Variants in ODF1 observed in about 807,000 individuals in gnomAD.
ODF1 encodes the protein outer dense fiber protein 1.
ODF1 carries 10 observed loss-of-function variants against 24.0 expected under a neutral mutation model. The observed-to-expected ratio is 0.42, with a 90% CI of 0.26 to 0.71. The LOEUF (loss-of-function observed/expected upper bound fraction) is 0.71. ODF1 is among the 30% of genes least tolerant of loss of function. The pLI is 0.28. For synonymous variants in ODF1, 118 were observed against 121.3 expected, an observed-to-expected ratio of 0.97 and a Z score of 0.18; for missense variants, 282 against 307.9, an observed-to-expected ratio of 0.92 and a Z score of 0.63.
At position 102,551,781 on chromosome 8, in the gene ODF1, G is replaced by A; in HGVS notation, c.54G>A (p.Val18=). ...GTGTCAGAAGGGACATAAAGAAGGT[G>A]GACAGAGAACTAAGGCAACTGAGAT... ...LDSVRRDIKK[V]DRELRQLRCI... is the part of the protein sequence containing the mutation. The change falls in exon 1 of 2, where the codon GTG becomes GTA. Residue 18 remains valine, a synonymous_variant. Transcript: ENST00000285402. The A allele has an allele frequency of 6.2e-7, 1 of 1,613,744 alleles. No homozygotes were observed. The highest frequency in any genetic ancestry group is 8.5e-7 in the Non-Finnish European group (1 of 1,179,752).
intron 1 of ODF1, among the ~76,000 whole-genome samples, chr8:102,558,957 T>C (rs141904867): frequency 6.6e-6 from 1 of 151,280 alleles, no homozygotes; most frequent in East Asian, 1.9e-4. Flanking sequence ...ACAAAAGTGA[T>C]ATAGTGATAA....
At chr8:102,559,773 G>A (rs1826155452) in intron 1 of ODF1, among the ~76,000 whole-genome samples, 1 of 151,528 alleles carries the variant, frequency 6.6e-6, no homozygotes, top group African/African-American at 2.4e-5. Flanking sequence ...GTTTGATTGA[G>A]CTTTCAGGCT....
chr8:102,555,039 G>T (rs2436898), intron 1 of ODF1, among the ~76,000 whole-genome samples: 78,257 of 151,832 alleles, frequency 0.52, 20,857 homozygotes, highest in Middle Eastern at 0.66. Flanking sequence ...CACCATGTTG[G>T]CAGTGTCTTC....
intron 1 of ODF1, among the ~76,000 whole-genome samples, chr8:102,556,205 G>A (rs539273554): frequency 6.6e-6 from 1 of 152,296 alleles, no homozygotes; most frequent in African/African-American, 2.4e-5. Context: ...TTGATCACTA[G>A]GTGGTGGCAG....
intron 1 of ODF1, among the ~76,000 whole-genome samples, chr8:102,553,005 T>A (rs544457007): frequency 2.4e-5 from 2 of 83,642 alleles, no homozygotes; most frequent in Admixed American, 1.3e-4. Context: ...GATAGATAGA[T>A]AGATAGATAG....
At position 102,554,046 on chromosome 8, in the gene ODF1, T is replaced by C. The variant is rs528196788; in HGVS notation, c.320+1999T>C. On this transcript the variant is annotated intron_variant, in intron 1 of 1. Coordinates refer to ENST00000285402, the MANE Select transcript of ODF1 (RefSeq NM_024410.4). Reference sequence around the variant, plus strand: ...CACCTTGTGAAATTTCTATGCTCTATTTCTGACAACTTGACATTTCACTCT... The same window carrying C: ...CACCTTGTGAAATTTCTATGCTCTACTTCTGACAACTTGACATTTCACTCT... Among the ~76,000 whole-genome samples, 165 of 152,324 alleles carry C rather than the reference T, an allele frequency of 1.1e-3. 1 individual carries two copies. The highest frequency in any genetic ancestry group is 4.8e-3 in the South Asian group (23 of 4,820).
At chr8:102,554,018 C>T (rs1319233038) in intron 1 of ODF1, among the ~76,000 whole-genome samples, 1 of 102,298 alleles carries the variant, frequency 9.8e-6, no homozygotes, top group African/African-American at 4.1e-5. Context: ...TTCCAATTCA[C>T]ACCACCTTGT....
chr8:102,559,149 C>T (rs977440356), intron 1 of ODF1, among the ~76,000 whole-genome samples: 1 of 151,242 alleles, frequency 6.6e-6, no homozygotes, highest in African/African-American at 2.5e-5. Flanking sequence ...CACAACAACC[C>T]TATGATGTAG....
chr8:102,558,806 C>T (rs1826144513), intron 1 of ODF1, among the ~76,000 whole-genome samples: 1 of 148,200 alleles, frequency 6.7e-6, no homozygotes, highest in Non-Finnish European at 1.5e-5. Flanking sequence ...AGTCAAACAC[C>T]AAAATGCTAA....
In ODF1 at chr8:102,552,000, G is replaced by A; in HGVS notation, c.273G>A (p.Glu91=). ...YCLRPSLRSL[E]RKAIRAIEDE... is the part of the protein sequence containing the mutation. ...TGCGACCATCTCTCAGAAGTTTGGA[G>A]AGGAAAGCCATCAGAGCCATAGAAG... Residue 91 remains glutamate, a synonymous_variant, in exon 1 of 2, where the codon GAG becomes GAA. Coordinates refer to ENST00000285402, the MANE Select transcript of ODF1 (RefSeq NM_024410.4). 1 of 1,611,692 alleles carries A rather than the reference G, an allele frequency of 6.2e-7. No homozygotes were observed. The highest frequency in any genetic ancestry group is 8.5e-7 in the Non-Finnish European group (1 of 1,177,998).
chr8:102,555,641 G>A (rs1258905748), intron 1 of ODF1, among the ~76,000 whole-genome samples: 1 of 152,190 alleles, frequency 6.6e-6, no homozygotes, highest in African/African-American at 2.4e-5. Context: ...CAGGCCTCAT[G>A]GTGAGCTCTT....
chr8:102,558,310 C>T (rs1212434178), intron 1 of ODF1, among the ~76,000 whole-genome samples: 3 of 152,068 alleles, frequency 2.0e-5, no homozygotes, highest in Non-Finnish European at 2.9e-5. Flanking sequence ...AATAATTAGC[C>T]GAGCATGGTG....
At chr8:102,556,170 T>G (rs1826108351) in intron 1 of ODF1, among the ~76,000 whole-genome samples, 1 of 152,110 alleles carries the variant, frequency 6.6e-6, no homozygotes, top group African/African-American at 2.4e-5. Context: ...TTACAGACAA[T>G]GAAACAGAGT....
intron 1 of ODF1, among the ~76,000 whole-genome samples, chr8:102,556,750 A>T (rs1367218790): frequency 6.6e-6 from 1 of 152,176 alleles, no homozygotes; most frequent in African/African-American, 2.4e-5. Flanking sequence ...CTGGAAAATA[A>T]GAGAAAAGGA....
chr8:102,556,294 C>A (rs909483550), intron 1 of ODF1, among the ~76,000 whole-genome samples: 1 of 152,098 alleles, frequency 6.6e-6, no homozygotes, highest in Non-Finnish European at 1.5e-5. Flanking sequence ...CGTAGTGTGG[C>A]CCCTGAAGCT....
intron 1 of ODF1, among the ~76,000 whole-genome samples, chr8:102,555,742 G>C (rs1225240546): frequency 6.6e-6 from 1 of 152,202 alleles, no homozygotes; most frequent in Non-Finnish European, 1.5e-5. Flanking sequence ...CGGAGTATAA[G>C]TGAGCCCTAT....
chr8:102,554,597 C>A (rs1363046915), intron 1 of ODF1, among the ~76,000 whole-genome samples: 1 of 152,190 alleles, frequency 6.6e-6, no homozygotes. Context: ...TTCTTGAGCA[C>A]TCCTGACTAT....
chr8:102,554,033 T>C (rs76177950), intron 1 of ODF1, among the ~76,000 whole-genome samples: 1 of 26,834 alleles, frequency 3.7e-5, no homozygotes, highest in Non-Finnish European at 9.3e-5. Flanking sequence ...CCTTGTGAAA[T>C]TTCTATGCTC....
intron 1 of ODF1, among the ~76,000 whole-genome samples, chr8:102,560,156 G>T (rs1279764987): frequency 2.6e-5 from 4 of 151,280 alleles, no homozygotes; most frequent in African/African-American, 4.9e-5. Flanking sequence ...AAGGGTTAAG[G>T]AACCTACACA....
Sources: gnomAD v4.1 joint callset for allele counts (sites outside exome capture counted in the v4.1 genomes callset) on GRCh38, gnomAD v4.1.1 for gene constraint, MANE v1.5 for transcripts, NCBI Gene and HGNC (gene_info 2026-07-23, HGNC 2026-07-21) for gene names.